Variants in CARM1 observed in about 807,000 individuals in gnomAD.
The protein encoded by CARM1 is coactivator associated arginine methyltransferase 1.
CARM1 carries 14 observed loss-of-function variants against 72.7 expected under a neutral mutation model. That is an observed-to-expected ratio of 0.19 (90% CI 0.13 to 0.30). The LOEUF (loss-of-function observed/expected upper bound fraction) is 0.30, where lower values mean the gene tolerates loss of function less well. Ranked by LOEUF, CARM1 falls within the 10% of genes least tolerant of loss-of-function variation. The probability of loss-of-function intolerance (pLI) is 1.00; values close to 1 mark genes in which losing one functional copy is unlikely to be tolerated. For synonymous variants in CARM1, 333 were observed against 345.5 expected (o/e 0.96, Z 0.40); for missense variants, 432 against 833.7 (o/e 0.52, Z 5.93).
At chr19:10,910,464 G>C (rs1006183276) in intron 4 of CARM1, among the ~76,000 whole-genome samples, 3 of 151,508 alleles carry the variant, frequency 2.0e-5, no homozygotes, top group African/African-American at 4.8e-5. Flanking sequence ...CTGGGCAAGA[G>C]AGCAAGACTC....
At chr19:10,907,669 C>T (rs1355013357) in intron 2 of CARM1, among the ~76,000 whole-genome samples, 1 of 152,204 alleles carries the variant, frequency 6.6e-6, no homozygotes, top group Non-Finnish European at 1.5e-5. Flanking sequence ...CACACAGATG[C>T]TGCCCTGAGC....
At chr19:10,874,339 T>TA in intron 1 of CARM1, among the ~76,000 whole-genome samples, 1 of 152,224 alleles carries the variant, frequency 6.6e-6, no homozygotes, top group Non-Finnish European at 1.5e-5. Flanking sequence ...GGTTCTGAAA[T>TA]AATTTTTTTT....
chr19:10,896,802 G>A lies in CARM1; in HGVS notation c.221-8149G>A, dbSNP rs1323842794. The stretch of plus-strand genomic sequence containing the variant: ...ACCACTTGGGGATCTCTGTCAGTCT[G>A]CCACTCGGCTGTCCTCACCGCCTCT... On this transcript the variant is annotated intron_variant, in intron 1 of 15. Transcript: ENST00000327064. This position sits in a 1 kb window ranked among gnomAD's most constrained non-coding sequence, Gnocchi z 5.2. Among the ~76,000 whole-genome samples, 1 of 152,204 alleles carries A rather than the reference G, an allele frequency of 6.6e-6. No homozygotes were observed. Among genetic ancestry groups the A allele is most frequent in the Non-Finnish European group, 1.5e-5 (1 of 68,046 alleles).
In CARM1 at chr19:10,916,641, C is replaced by T. The variant is rs749556892; in HGVS notation, c.939-55C>T. On this transcript the variant is annotated intron_variant, in intron 7 of 15. Coordinates refer to ENST00000327064, the MANE Select transcript of CARM1 (RefSeq NM_199141.2). The surrounding 1 kb of genome is among the most constrained non-coding windows in gnomAD (Gnocchi z 4.4). ...GACTGGGAGAGAAGGCAGGGCTACC[C>T]CACCTGCCTCTTCTGCAGCCCTGAC... is the stretch of plus-strand genomic sequence containing the variant. The T allele has an allele frequency of 7.0e-4, 1,027 of 1,462,350 alleles. 1 individual carries two copies. Among genetic ancestry groups the T allele is most frequent in the Non-Finnish European group, 8.8e-4 (938 of 1,064,812 alleles). The allele number at this position is 1,462,350 out of a possible 1,614,324, so 90.6% of individuals were successfully genotyped here.
chr19:10,879,210 A>G (rs1040116572), intron 1 of CARM1, among the ~76,000 whole-genome samples: 1 of 152,210 alleles, frequency 6.6e-6, no homozygotes, highest in African/African-American at 2.4e-5. Context: ...GAAGGGACAA[A>G]GGAGAAAGGG....
intron 1 of CARM1, among the ~76,000 whole-genome samples, chr19:10,903,852 G>A (rs930483609): frequency 1.3e-5 from 2 of 152,144 alleles, no homozygotes; most frequent in East Asian, 3.9e-4. Context: ...ACAGGCGCAT[G>A]CCACCATGCC....
intron 4 of CARM1, among the ~76,000 whole-genome samples, chr19:10,910,679 C>CCT: frequency 1.3e-5 from 2 of 150,220 alleles, no homozygotes; most frequent in Non-Finnish European, 3.0e-5. Flanking sequence ...AATTCTCCTG[C>CCT]CTCAGCCTCC....
chr19:10,919,383 G>A (rs2074222459), intron 8 of CARM1: 1 of 544,224 alleles, frequency 1.8e-6, no homozygotes, highest in Non-Finnish European at 3.2e-6. Context: ...AATCTTTTAT[G>A]TGGATAAACA....
Position 10,920,593 on chromosome 19 carries a change from C to T in CARM1, c.1334+20C>T. ...CAAAAGGTGCGACTGCTCCCTGGGG[C>T]TGGTGGTGGTGGGCAGGGGTCCATC... On this transcript the variant is annotated intron_variant, in intron 11 of 15. Transcript: ENST00000327064. The surrounding 1 kb of genome is among the most constrained non-coding windows in gnomAD (Gnocchi z 5.3). 6.2e-7 allele frequency: 1 copy of T among 1,613,926 alleles called. No individual in the cohort carries two copies. Among genetic ancestry groups the T allele is most frequent in the Middle Eastern group, 1.6e-4 (1 of 6,062 alleles).
chr19:10,915,796 G>A lies in CARM1; in HGVS notation c.848-611G>A, dbSNP rs1033502811. Among the ~76,000 whole-genome samples the A allele has an allele frequency of 2.0e-5, 3 of 152,142 alleles. No individual in the cohort carries two copies. The highest frequency in any genetic ancestry group is 7.2e-5 in the African/African-American group (3 of 41,448). ...CCCTGCCACTGGCCCTGACTCATGC[G>A]TCTACCCTTGAGTCACAGAGGGAGG... On this transcript the variant is annotated intron_variant, in intron 6 of 15. Transcript: ENST00000327064. The surrounding 1 kb of genome is among the most constrained non-coding windows in gnomAD (Gnocchi z 4.6).
At chr19:10,873,623 A>ATTTT (rs2073837308) in intron 1 of CARM1, among the ~76,000 whole-genome samples, 1 of 52,256 alleles carries the variant, frequency 1.9e-5, no homozygotes, top group African/African-American at 7.4e-5. Flanking sequence ...ATTTTAGTTT[A>ATTTT]GTTTTTTTTT....
intron 1 of CARM1, among the ~76,000 whole-genome samples, chr19:10,888,644 C>G (rs1041697363): frequency 6.6e-6 from 1 of 152,188 alleles, no homozygotes; most frequent in East Asian, 1.9e-4. Context: ...GCCCCCACCC[C>G]CTACCCTCCA....
chr19:10,923,016 T>G lies in CARM1; in HGVS notation c.*1259T>G. ...TGCTCGGCTGCCCCTCGCCCGCCTT[T>G]ATATAAATTCTCTGAATCACCTTTG... On this transcript the variant is annotated 3_prime_UTR_variant, in exon 16 of 16. Transcript: ENST00000327064. The G allele has an allele frequency of 3.0e-6, 1 of 330,228 alleles. No individual in the cohort carries two copies. Among genetic ancestry groups the G allele is most frequent in the East Asian group, 7.2e-5 (1 of 13,894 alleles). 20.5% of individuals were successfully genotyped at this position (330,228 alleles called of 1,614,324 possible).
intron 1 of CARM1, among the ~76,000 whole-genome samples, chr19:10,877,748 G>A (rs1203772780): frequency 6.6e-6 from 1 of 151,994 alleles, no homozygotes; most frequent in African/African-American, 2.4e-5. Flanking sequence ...TTTATTTTGA[G>A]ATGGAATCTC....
Position 10,914,019 on chromosome 19 carries a change from G to C in CARM1, c.812G>C (p.Ser271Thr). 6.2e-7 allele frequency: 1 copy of C among 1,613,464 alleles called. No homozygotes were observed. The highest frequency in any genetic ancestry group is 8.5e-7 in the Non-Finnish European group (1 of 1,179,924). The change falls in exon 6 of 16, where the codon AGC (serine) becomes ACC (threonine). Residue 271 changes from serine (S) to threonine (T), a missense_variant. Coordinates refer to ENST00000327064, the MANE Select transcript of CARM1 (RefSeq NM_199141.2). ...YMLFNERMLE[S>T]YLHAKKYLKP... is the part of the protein sequence containing the mutation. ...CTCTTCAACGAGCGCATGCTGGAGA[G>C]CTACCTCCACGCCAAGAAGTACCTG...
At chr19:10,897,970 G>T (rs1045623497) in intron 1 of CARM1, among the ~76,000 whole-genome samples, 1 of 152,144 alleles carries the variant, frequency 6.6e-6, no homozygotes, top group Non-Finnish European at 1.5e-5. Flanking sequence ...AGCCGGGCGA[G>T]GTGGCGGGCG....
In CARM1 at chr19:10,920,756, G is replaced by A; in HGVS notation, c.1424+8G>A. 1.9e-6 allele frequency: 3 copies of A among 1,614,050 alleles called. No individual in the cohort carries two copies. Among genetic ancestry groups the A allele is most frequent in the Non-Finnish European group, 2.5e-6 (3 of 1,179,962 alleles). On this transcript the variant is annotated splice_region_variant and intron_variant, in intron 12 of 15. Transcript: ENST00000327064. The surrounding 1 kb of genome is among the most constrained non-coding windows in gnomAD (Gnocchi z 5.3). ...GAAAAACCCCTTCTTTAGGTAGGAGGGGCCCCTTGCCTGCACAGGGGGGCG... is the reference window on the plus strand; with the variant it reads ...GAAAAACCCCTTCTTTAGGTAGGAGAGGCCCCTTGCCTGCACAGGGGGGCG...
chr19:10,883,616 G>A (rs1026481070), intron 1 of CARM1, among the ~76,000 whole-genome samples: 1 of 152,198 alleles, frequency 6.6e-6, no homozygotes, highest in Non-Finnish European at 1.5e-5. Context: ...GCAGTGGTGC[G>A]ATCATAGCTC....
intron 1 of CARM1, among the ~76,000 whole-genome samples, chr19:10,891,020 C>T (rs530486969): frequency 3.2e-4 from 49 of 151,134 alleles, no homozygotes; most frequent in African/African-American, 4.1e-4. Flanking sequence ...CTGTCAGCCA[C>T]GTGCCAGATG....
Sources: gnomAD v4.1 joint callset for allele counts (sites outside exome capture counted in the v4.1 genomes callset) on GRCh38, gnomAD v4.1.1 for gene constraint, Gnocchi (gnomAD v3.1) non-coding constraint, MANE v1.5 for transcripts, NCBI Gene and HGNC (gene_info 2026-07-23, HGNC 2026-07-21) for gene names.